Variants in SEMA4F observed in about 807,000 individuals in gnomAD.
SEMA4F encodes semaphorin-4F.
A neutral mutation model predicts 78.4 loss-of-function variants in SEMA4F; 51 were observed. The ratio of observed to expected loss-of-function variants is 0.65; its 90% CI spans 0.52 to 0.82. The LOEUF is 0.82. SEMA4F is among the 40% of genes least tolerant of loss of function. The pLI is 0.00. For missense variants in SEMA4F, 938 were observed against 1,014.4 expected (o/e 0.92, Z 1.02); for synonymous variants, 418 against 408.7 (o/e 1.02, Z -0.27).
downstream of SEMA4F, among the ~76,000 whole-genome samples, chr2:74,684,657 C>G (rs60117021): frequency 0.081 from 12,399 of 152,142 alleles, 1,719 homozygotes; most frequent in African/African-American, 0.28. Flanking sequence ...CAGTACTAAG[C>G]ATTTGTGCCT....
intron 12 of SEMA4F, among the ~76,000 whole-genome samples, chr2:74,677,169 T>G (rs1573263773): frequency 1.3e-5 from 2 of 152,342 alleles, no homozygotes; most frequent in East Asian, 3.9e-4. Flanking sequence ...CCCAAAGTGC[T>G]GGGATTACAG....
chr2:74,685,194 A>T (rs114205589), downstream of SEMA4F, among the ~76,000 whole-genome samples: 882 of 152,282 alleles, frequency 5.8e-3, 10 homozygotes, highest in African/African-American at 0.02. Flanking sequence ...TGGATATTTT[A>T]AAAAATACCT....
chr2:74,666,436 C>G (rs1172147404), intron 5 of SEMA4F, among the ~76,000 whole-genome samples: 6 of 149,444 alleles, frequency 4.0e-5, no homozygotes, highest in Non-Finnish European at 4.4e-5. Flanking sequence ...AAATAAAATT[C>G]AGGGTTGCCT....
intron 5 of SEMA4F, 87 bp from the exon 6 acceptor site, chr2:74,673,370 C>G: frequency 6.5e-7 from 1 of 1,541,800 alleles, no homozygotes; most frequent in Non-Finnish European, 8.9e-7. Context: ...GAGTCGCTGC[C>G]CTGCTTTATG....
At position 74,682,535 on chromosome 2, in the gene SEMA4F, C is replaced by A. The variant is rs1685678061; in HGVS notation, c.*2326C>A. 1 of 152,210 alleles carries A rather than the reference C, an allele frequency of 6.6e-6. No individual in the cohort carries two copies. The highest frequency in any genetic ancestry group is 1.5e-5 in the Non-Finnish European group (1 of 68,108). The allele number at this position is 152,210 out of a possible 1,614,324, so 9.4% of individuals were successfully genotyped here. ...GTCACCTCTGGACAGCTCATAGCTGCTGGTTTCTAGGTTTTAGGAGGCAGA... is the reference window on the plus strand; with the variant it reads ...GTCACCTCTGGACAGCTCATAGCTGATGGTTTCTAGGTTTTAGGAGGCAGA... On this transcript the variant is annotated 3_prime_UTR_variant, in exon 14 of 14. Coordinates refer to ENST00000357877, the MANE Select transcript of SEMA4F (RefSeq NM_004263.5).
chr2:74,657,689 G>A (rs1244976651), intron 3 of SEMA4F, 65 bp downstream of exon 3: 1 of 1,532,658 alleles, frequency 6.5e-7, no homozygotes, highest in Non-Finnish European at 9.0e-7. Context: ...CTGACTCTCA[G>A]TCCCCTGTAA....
In SEMA4F at chr2:74,658,904, C is replaced by G. The variant is rs363715; in HGVS notation, c.456+953C>G. On this transcript the variant is annotated intron_variant, in intron 4 of 13. Coordinates refer to ENST00000357877, the MANE Select transcript of SEMA4F (RefSeq NM_004263.5). The surrounding 1 kb of genome is among the most constrained non-coding windows in gnomAD (Gnocchi z 4.3). ...ACTCTTCTGCAGTCCTCAGTAATCC[C>G]TGCCACCTGGATCAAGTCAGTGTGT... Among the ~76,000 whole-genome samples the G allele has an allele frequency of 0.015, 2,281 of 152,316 alleles. 28 individuals carry two copies. The highest frequency in any genetic ancestry group is 0.024 in the Non-Finnish European group (1,599 of 68,026).
At chr2:74,677,620 T>G (rs1173698598) in intron 12 of SEMA4F, among the ~76,000 whole-genome samples, 3 of 152,246 alleles carry the variant, frequency 2.0e-5, no homozygotes, top group African/African-American at 7.2e-5. Context: ...TGTTGAGATC[T>G]TCCAGTAAAG....
intron 2 of SEMA4F, among the ~76,000 whole-genome samples, chr2:74,657,229 ATC>A (rs1379428587): frequency 1.3e-5 from 2 of 152,248 alleles, no homozygotes. Context: ...AACACTTTTG[ATC>A]ACAAGCATTT....
chr2:74,675,795 CA>C lies in SEMA4F; in HGVS notation c.1531del (p.Thr511ProfsTer43). On this transcript the variant is annotated frameshift_variant, in exon 12 of 14. Transcript: ENST00000357877. LOFTEE classifies it high-confidence loss of function. ...GSRTEVTQVNTTNCGRLQSCS... is the reference protein window; with the variant it reads ...GSRTEVTQVNXTNCGRLQSCS... ...CGTACTGAGGTGACACAAGTGAATA[CA>C]ACCAACTGTGGCCGTCTCCAGAGCT... 2 of 1,614,234 alleles carry C rather than the reference CA, an allele frequency of 1.2e-6. No homozygotes were observed. The highest frequency in any genetic ancestry group is 1.7e-6 in the Non-Finnish European group (2 of 1,180,044).
intron 1 of SEMA4F, 25 bp from the exon 2 acceptor site, chr2:74,656,509 C>A: frequency 6.2e-7 from 1 of 1,604,890 alleles, no homozygotes; most frequent in Non-Finnish European, 8.5e-7. Flanking sequence ...CGATGGCTAA[C>A]ATCACTCTCC....
intron 5 of SEMA4F, 99 bp downstream of exon 5, chr2:74,662,924 C>A: frequency 9.4e-7 from 1 of 1,058,526 alleles, no homozygotes; most frequent in Non-Finnish European, 1.5e-6. Context: ...CTTGGAATGT[C>A]TATTATTCTC....
chr2:74,669,825 G>C (rs1474044279), intron 5 of SEMA4F, among the ~76,000 whole-genome samples: 1 of 151,594 alleles, frequency 6.6e-6, no homozygotes, highest in African/African-American at 2.4e-5. Flanking sequence ...CTTTGGCTGT[G>C]TTTCTTCGTC....
chr2:74,667,119 A>G (rs1242331037), intron 5 of SEMA4F, among the ~76,000 whole-genome samples: 1 of 152,224 alleles, frequency 6.6e-6, no homozygotes, highest in Non-Finnish European at 1.5e-5. Flanking sequence ...TCTTCAAAAC[A>G]TGATTTTTAG....
chr2:74,697,079 A>C, the SEMA4F span, among the ~76,000 whole-genome samples: 2 of 152,252 alleles, frequency 1.3e-5, no homozygotes, highest in Non-Finnish European at 2.9e-5. Context: ...TACTTTCCCA[A>C]AGGCCTGTAC....
At position 74,654,478 on chromosome 2, in the gene SEMA4F, C is replaced by T; in HGVS notation, c.102C>T (p.Gly34=). The T allele has an allele frequency of 6.4e-7, 1 of 1,574,110 alleles. No individual in the cohort carries two copies. The highest frequency in any genetic ancestry group is 8.6e-7 in the Non-Finnish European group (1 of 1,164,310). Residue 34 remains glycine (G), a synonymous_variant, in exon 1 of 14, where the codon GGC becomes GGT. Transcript: ENST00000357877. ...LLAVLSGPVS[G]RVPRSVPRTS... is the part of the protein sequence containing the mutation. ...CGGTGCTGAGCGGCCCGGTATCCGG[C>T]CGCGTCCCCCGCTCGGTGCCCAGAA...
chr2:74,666,957 T>C (rs1684726733), intron 5 of SEMA4F, among the ~76,000 whole-genome samples: 2 of 152,350 alleles, frequency 1.3e-5, no homozygotes, highest in Admixed American at 6.5e-5. Flanking sequence ...TTTGTAATTC[T>C]ATCATTACCA....
At chr2:74,707,490 GT>G in the SEMA4F span, among the ~76,000 whole-genome samples, 62 of 131,534 alleles carry the variant, frequency 4.7e-4, no homozygotes, top group African/African-American at 8.3e-4. Context: ...TTTTATGAAA[GT>G]TTTTTTTTTT....
intron 1 of SEMA4F, 33 bp from the exon 2 acceptor site, chr2:74,656,501 A>T: frequency 6.2e-7 from 1 of 1,600,806 alleles, no homozygotes; most frequent in Non-Finnish European, 8.5e-7. Flanking sequence ...TTAGGAAGCG[A>T]TGGCTAACAT....
Sources: allele counts gnomAD v4.1 joint callset (sites outside exome capture counted in the v4.1 genomes callset), GRCh38; gene constraint gnomAD v4.1.1; non-coding constraint Gnocchi (gnomAD v3.1); transcripts MANE v1.5; gene names NCBI Gene and HGNC (gene_info 2026-07-23, HGNC 2026-07-21).